The following GRM7 variants were observed in gnomAD, a reference collection of about 807,000 sequenced individuals.
GRM7 encodes metabotropic glutamate receptor 7.
In GRM7, 35 loss-of-function variants were observed where a neutral mutation model predicts 84.5. The observed-to-expected ratio is 0.41, with a 90% CI of 0.32 to 0.55. The LOEUF (loss-of-function observed/expected upper bound fraction) is 0.55, where lower values mean the gene tolerates loss of function less well. Among genes scored for constraint, GRM7 ranks in the 20% least tolerant of loss-of-function variants. The pLI is 0.19. For missense variants in GRM7, 1,003 were observed against 1,194.6 expected (o/e 0.84, Z 2.36); for synonymous variants, 487 against 455.1 (o/e 1.07, Z -0.89).
At chr3:7,060,265 G>A (rs538771166) in intron 1 of GRM7, among the ~76,000 whole-genome samples, 23 of 151,876 alleles carry the variant, frequency 1.5e-4, no homozygotes, top group Non-Finnish European at 2.1e-4. Flanking sequence ...TTTGCATTCA[G>A]TTTGCTGTGG....
At chr3:7,629,057 G>A (rs1200359662) in intron 8 of GRM7, among the ~76,000 whole-genome samples, 1 of 152,054 alleles carries the variant, frequency 6.6e-6, no homozygotes, top group Admixed American at 6.6e-5. Context: ...TAGCCTAACA[G>A]GTAATATTAT....
chr3:7,247,811 T>C (rs1697832291), intron 2 of GRM7, among the ~76,000 whole-genome samples: 1 of 152,046 alleles, frequency 6.6e-6, no homozygotes, highest in South Asian at 2.1e-4. Context: ...TCAAAGACCT[T>C]GTGAACACTT....
intron 1 of GRM7, among the ~76,000 whole-genome samples, chr3:7,112,583 T>C (rs1300609927): frequency 6.6e-6 from 1 of 152,132 alleles, no homozygotes; most frequent in Non-Finnish European, 1.5e-5. Flanking sequence ...GAGAATTATC[T>C]TGCAATGGAT....
At chr3:6,994,343 G>A (rs755015319) in intron 1 of GRM7, among the ~76,000 whole-genome samples, 6 of 152,126 alleles carry the variant, frequency 3.9e-5, no homozygotes, top group Non-Finnish European at 7.4e-5. Context: ...TTGTTTCTCC[G>A]ATAAAGGAAA....
chr3:7,170,258 G>A (rs896856468), intron 2 of GRM7, among the ~76,000 whole-genome samples: 2 of 152,140 alleles, frequency 1.3e-5, no homozygotes, highest in Non-Finnish European at 1.5e-5. Context: ...ACATTAAGTG[G>A]GTATTGGGTG....
chr3:7,274,865 G>T (rs182140519), intron 2 of GRM7, among the ~76,000 whole-genome samples: 171 of 151,988 alleles, frequency 1.1e-3, no homozygotes, highest in African/African-American at 3.6e-3. Flanking sequence ...ATTATATATT[G>T]TTTCAAATAT....
At chr3:7,509,364 A>G (rs1263046046) in intron 7 of GRM7, among the ~76,000 whole-genome samples, 1 of 152,208 alleles carries the variant, frequency 6.6e-6, no homozygotes, top group East Asian at 1.9e-4. Context: ...ATACAGTTTG[A>G]AAAAACATAG....
At chr3:7,292,286 C>G (rs554934037) in intron 2 of GRM7, among the ~76,000 whole-genome samples, 1 of 152,250 alleles carries the variant, frequency 6.6e-6, no homozygotes, top group African/African-American at 2.4e-5. Flanking sequence ...TTTATAAAAC[C>G]TTTGATGATT....
intron 1 of GRM7, among the ~76,000 whole-genome samples, chr3:6,905,393 A>G (rs900545980): frequency 6.6e-6 from 1 of 152,144 alleles, no homozygotes; most frequent in Non-Finnish European, 1.5e-5. Context: ...CTGGTTATTG[A>G]TGCTATTGGA....
intron 2 of GRM7, among the ~76,000 whole-genome samples, chr3:7,197,865 G>C (rs1281279861): frequency 6.6e-6 from 1 of 151,998 alleles, no homozygotes; most frequent in Admixed American, 6.6e-5. Context: ...ACAAAACATA[G>C]TACCTTGGGA....
At chr3:7,354,708 C>T (rs569271115) in intron 4 of GRM7, among the ~76,000 whole-genome samples, 1 of 152,118 alleles carries the variant, frequency 6.6e-6, no homozygotes, top group Non-Finnish European at 1.5e-5. Context: ...TTGTCAAAGC[C>T]TTACCACATG....
chr3:7,440,645 C>T (rs1440810299), intron 5 of GRM7, among the ~76,000 whole-genome samples: 1 of 152,120 alleles, frequency 6.6e-6, no homozygotes, highest in African/African-American at 2.4e-5. Flanking sequence ...TTTCAGTTCT[C>T]ATCTTCTAGC....
At chr3:7,593,924 C>G (rs113737457) in intron 8 of GRM7, among the ~76,000 whole-genome samples, 1,898 of 151,868 alleles carry the variant, frequency 0.012, 22 homozygotes, top group African/African-American at 0.033. Context: ...AAATTACACC[C>G]TTGACACAAT....
At chr3:7,682,120 G>A (rs1223521881) in intron 9 of GRM7, 1 of 152,118 alleles carries the variant, frequency 6.6e-6, no homozygotes, top group East Asian at 1.9e-4. Context: ...CGGATCACCT[G>A]AGGTTAGGAG....
intron 4 of GRM7, among the ~76,000 whole-genome samples, chr3:7,344,105 T>G (rs2125082974): frequency 6.6e-6 from 1 of 152,230 alleles, no homozygotes; most frequent in East Asian, 1.9e-4. Context: ...TTTTTTTAAC[T>G]TTTAAGTTCA....
At position 7,589,025 on chromosome 3, in the gene GRM7, C is replaced by T. The variant is rs532871878; in HGVS notation, c.2451+9668C>T. Among the ~76,000 whole-genome samples the T allele has an allele frequency of 4.2e-4, 64 of 152,284 alleles. No homozygotes were observed. The Middle Eastern group carries it at 0.01, about 24-fold the overall frequency. ...CATCAAGGCCAGATATTTAGGCTGG[C>T]GAAATCTGCCTTCCAATTCTATCAA... On this transcript the variant is annotated intron_variant, in intron 8 of 9. Transcript: ENST00000357716.
intron 2 of GRM7, among the ~76,000 whole-genome samples, chr3:7,185,213 C>T (rs1360102940): frequency 2.0e-5 from 3 of 152,174 alleles, no homozygotes; most frequent in African/African-American, 7.2e-5. Flanking sequence ...ATACTTGTGA[C>T]CCCCGACATT....
chr3:7,564,813 G>A (rs1471812481), intron 7 of GRM7, among the ~76,000 whole-genome samples: 3 of 152,160 alleles, frequency 2.0e-5, no homozygotes, highest in Non-Finnish European at 4.4e-5. Flanking sequence ...TAGAGGCGAT[G>A]AAGCCAGGCT....
chr3:6,946,612 T>C (rs1191279885), intron 1 of GRM7, among the ~76,000 whole-genome samples: 1 of 152,218 alleles, frequency 6.6e-6, no homozygotes, highest in African/African-American at 2.4e-5. Flanking sequence ...CATTGGTAGC[T>C]TGATGGGGAT....
Sources: allele counts gnomAD v4.1 joint callset (sites outside exome capture counted in the v4.1 genomes callset), GRCh38; gene constraint gnomAD v4.1.1; transcripts MANE v1.5; gene names NCBI Gene and HGNC (gene_info 2026-07-23, HGNC 2026-07-21).